Variants in CD99 observed in about 807,000 individuals in gnomAD.
CD99 encodes CD99 antigen.
In CD99, 19 loss-of-function variants were observed where a neutral mutation model predicts 28.4. That is an observed-to-expected ratio of 0.67 (90% confidence interval 0.47 to 0.98). The LOEUF (loss-of-function observed/expected upper bound fraction) is 0.98, where lower values mean the gene tolerates loss of function less well. CD99 is among the 50% of genes least tolerant of loss of function. CD99 has a pLI of 0.00. For synonymous variants in CD99, 103 were observed against 92.1 expected, an observed-to-expected ratio of 1.12 and a Z score of -0.67; for missense variants, 283 against 248.8, an observed-to-expected ratio of 1.14 and a Z score of -0.92.
intron 9 of CD99, among the ~76,000 whole-genome samples, chrX:2,739,795 G>T (rs1285900872): frequency 2.0e-5 from 3 of 150,688 alleles, no homozygotes; most frequent in Non-Finnish European, 4.4e-5. Flanking sequence ...TTAGTGTCTC[G>T]CCAGACGCGG....
chrX:2,711,864 A>AC (rs1386031188), intron 1 of CD99, among the ~76,000 whole-genome samples: 5 of 151,896 alleles, frequency 3.3e-5, no homozygotes, highest in Non-Finnish European at 7.4e-5. Flanking sequence ...ACATGGTGAA[A>AC]CCCCGTCTCT....
At chrX:2,740,694 C>A in intron 9 of CD99, 85 bp from the exon 10 acceptor site, 1 of 1,388,530 alleles carries the variant, frequency 7.2e-7, no homozygotes, top group Non-Finnish European at 1.0e-6. Flanking sequence ...AATAAAACCA[C>A]TGGCTCCTGA....
intron 1 of CD99, among the ~76,000 whole-genome samples, chrX:2,707,780 C>T (rs1027851662): frequency 3.9e-5 from 6 of 152,182 alleles, no homozygotes; most frequent in Non-Finnish European, 8.8e-5. Flanking sequence ...CAGGCTCCTT[C>T]TCTGAGGGCA....
chrX:2,713,330 C>T (rs1159117958), intron 1 of CD99, among the ~76,000 whole-genome samples: 3 of 151,816 alleles, frequency 2.0e-5, no homozygotes, highest in Non-Finnish European at 4.4e-5. Context: ...ACTACACACA[C>T]AGAAACCCAC....
chrX:2,726,258 A>G lies in CD99; in HGVS notation c.362-2A>G, dbSNP rs1482319378. 7.5e-6 allele frequency: 12 copies of G among 1,597,876 alleles called. No individual in the cohort carries two copies. The highest frequency in any genetic ancestry group is 1.3e-5 in the African/African-American group (1 of 74,672). On this transcript the variant is annotated splice_acceptor_variant, in intron 7 of 9. Transcript: ENST00000381192. LOFTEE classifies it high-confidence loss of function. ...CACGATGCTGTGTGCTTCCTCCTGCAGCCGACGCCCCAGGCGTGATCCCCG... is the reference window on the plus strand; with the variant it reads ...CACGATGCTGTGTGCTTCCTCCTGCGGCCGACGCCCCAGGCGTGATCCCCG...
At chrX:2,706,960 A>G (rs965339575) in intron 1 of CD99, among the ~76,000 whole-genome samples, 2 of 151,960 alleles carry the variant, frequency 1.3e-5, no homozygotes, top group Admixed American at 1.3e-4. Context: ...AACTGGGACT[A>G]CGGGCGTGCA....
intron 1 of CD99, among the ~76,000 whole-genome samples, chrX:2,710,867 C>CTTTTTT (rs541519754): frequency 5.0e-5 from 5 of 99,588 alleles, no homozygotes; most frequent in East Asian, 3.1e-4. Context: ...GTAGAGATGA[C>CTTTTTT]TTTTTTTTTT....
At chrX:2,694,987 G>A (rs1276713298) in intron 1 of CD99, among the ~76,000 whole-genome samples, 4 of 152,232 alleles carry the variant, frequency 2.6e-5, no homozygotes, top group African/African-American at 4.8e-5. Flanking sequence ...GAATCATGGC[G>A]GGATTTCATG....
At chrX:2,724,074 T>C (rs893135478) in intron 7 of CD99, among the ~76,000 whole-genome samples, 18 of 145,816 alleles carry the variant, frequency 1.2e-4, no homozygotes, top group Admixed American at 2.0e-4. Context: ...TAGGTATTTA[T>C]TATTTTTATG....
Position 2,691,330 on chromosome X carries a change from C to G in CD99, c.-31C>G. 1 of 1,533,840 alleles carries G rather than the reference C, an allele frequency of 6.5e-7. No individual in the cohort carries two copies. Among genetic ancestry groups the G allele is most frequent in the East Asian group, 2.5e-5 (1 of 39,934 alleles). ...CCGCCTTCGCCCACGCCCTGCACTC[C>G]GGGACCGTCCCTGCGCGCTCTGGGC... On this transcript the variant is annotated 5_prime_UTR_variant, in exon 1 of 10. Coordinates refer to ENST00000381192, the MANE Select transcript of CD99 (RefSeq NM_002414.5).
At position 2,717,662 on chromosome X, in the gene CD99, G is replaced by A; in HGVS notation, c.148+10G>A. 1.2e-6 allele frequency: 2 copies of A among 1,612,372 alleles called. No homozygotes were observed. The highest frequency in any genetic ancestry group is 1.3e-5 in the African/African-American group (1 of 75,010). On this transcript the variant is annotated intron_variant, in intron 3 of 9. Transcript: ENST00000381192. ...AAGAAACCCAGTGCTGGTGAGAAGG[G>A]CTTCTTCCTAGTATGCAAAGAAAAA...
In CD99 at chrX:2,720,407, A is replaced by G. The variant is rs2048936311; in HGVS notation, c.245A>G (p.Asn82Ser). ...AAACCGATGCCAAATCCAAACCCCA[A>G]CCACCCTAGTTCCTCCGGTAAGAGT... ...PPKPMPNPNP[N>S]HPSSSGSFSD... The change falls in exon 5 of 10, where the codon AAC (asparagine) becomes AGC (serine). Residue 82 changes from asparagine to serine, a missense_variant. Coordinates refer to ENST00000381192, the MANE Select transcript of CD99 (RefSeq NM_002414.5). 1.2e-6 allele frequency: 2 copies of G among 1,613,518 alleles called. No homozygotes were observed. The highest frequency in any genetic ancestry group is 1.7e-6 in the Non-Finnish European group (2 of 1,179,740).
Position 2,728,653 on chromosome X carries a change from G to A in CD99, c.475+2280G>A, listed in dbSNP as rs541221672. On this transcript the variant is annotated intron_variant, in intron 8 of 9. Coordinates refer to ENST00000381192, the MANE Select transcript of CD99 (RefSeq NM_002414.5). Reference sequence around the variant, plus strand: ...CCCTCTTGCTTCTTCTAGAAGTAGCGGAGGGGTTAAAACAGTAGGGACTCA... The same window carrying A: ...CCCTCTTGCTTCTTCTAGAAGTAGCAGAGGGGTTAAAACAGTAGGGACTCA... Among the ~76,000 whole-genome samples, 36 of 152,214 alleles carry A rather than the reference G, an allele frequency of 2.4e-4. No individual in the cohort carries two copies. In the South Asian group the frequency reaches 3.5e-3, roughly 15 times the overall value.
chrX:2,725,730 C>G (rs1042676570), intron 7 of CD99, among the ~76,000 whole-genome samples: 1 of 152,176 alleles, frequency 6.6e-6, no homozygotes. Flanking sequence ...TCTCTGGACT[C>G]AGCCTCCTGA....
At chrX:2,722,331 T>G (rs1193703046) in intron 5 of CD99, among the ~76,000 whole-genome samples, 1 of 152,194 alleles carries the variant, frequency 6.6e-6, no homozygotes. Context: ...TTGTTTTGTT[T>G]TGTTTTGAGA....
chrX:2,735,014 C>T (rs1435185741), intron 8 of CD99, among the ~76,000 whole-genome samples: 2 of 152,066 alleles, frequency 1.3e-5, no homozygotes, highest in African/African-American at 4.8e-5. Context: ...ACCTTTACAG[C>T]CCCCCAACTC....
intron 1 of CD99, among the ~76,000 whole-genome samples, chrX:2,698,556 C>A (rs2124472834): frequency 6.6e-6 from 1 of 151,872 alleles, no homozygotes; most frequent in South Asian, 2.1e-4. Context: ...AGCCTCGAAC[C>A]CCCAGGCTCA....
At chrX:2,715,882 A>T (rs1465055210) in intron 2 of CD99, among the ~76,000 whole-genome samples, 1 of 152,104 alleles carries the variant, frequency 6.6e-6, no homozygotes, top group Non-Finnish European at 1.5e-5. Flanking sequence ...ATTAGGACCT[A>T]TCCTAATCTA....
chrX:2,710,514 G>GTTT (rs759886806), intron 1 of CD99, among the ~76,000 whole-genome samples: 7,448 of 149,954 alleles, frequency 0.05, 568 homozygotes, highest in African/African-American at 0.17. Context: ...CACGTGTGGG[G>GTTT]TTTTTTTTTG....
Sources: gnomAD v4.1 joint callset for allele counts (sites outside exome capture counted in the v4.1 genomes callset) on GRCh38, gnomAD v4.1.1 for gene constraint, MANE v1.5 for transcripts, NCBI Gene and HGNC (gene_info 2026-07-23, HGNC 2026-07-21) for gene names.